LRRC4C: variants seen among roughly 807,000 people sequenced by gnomAD.
The protein encoded by LRRC4C is leucine-rich repeat-containing protein 4C.
A neutral mutation model predicts 33.6 loss-of-function variants in LRRC4C; 5 were observed. The observed-to-expected ratio is 0.15, with a 90% confidence interval of 0.08 to 0.31. The LOEUF is 0.31. Among genes scored for constraint, LRRC4C ranks in the 10% least tolerant of loss-of-function variants. LRRC4C has a pLI of 1.00. For missense variants in LRRC4C, 560 were observed against 796.7 expected (o/e 0.70, Z 3.58); for synonymous variants, 329 against 302.0 (o/e 1.09, Z -0.93).
chr11:40,927,295 A>C (rs957813960), intron 2 of LRRC4C, among the ~76,000 whole-genome samples: 1 of 151,944 alleles, frequency 6.6e-6, no homozygotes, highest in Non-Finnish European at 1.5e-5. Context: ...AATCACTTGA[A>C]CCCGAGAGGC....
intron 1 of LRRC4C, among the ~76,000 whole-genome samples, chr11:41,340,442 C>T (rs1951593159): frequency 6.6e-6 from 1 of 152,130 alleles, no homozygotes; most frequent in Non-Finnish European, 1.5e-5. Context: ...CAAATAAAGT[C>T]TTAATCGGAA....
At chr11:40,492,379 C>T (rs915053935) in intron 3 of LRRC4C, among the ~76,000 whole-genome samples, 4 of 152,098 alleles carry the variant, frequency 2.6e-5, no homozygotes, top group Non-Finnish European at 4.4e-5. Flanking sequence ...TTTCAGCTGC[C>T]ATAGTTAATG....
intron 2 of LRRC4C, among the ~76,000 whole-genome samples, chr11:40,782,591 T>G (rs1015197107): frequency 1.3e-5 from 2 of 152,164 alleles, no homozygotes; most frequent in African/African-American, 4.8e-5. Flanking sequence ...AATTAAGAAT[T>G]GGTACAAGCA....
intron 3 of LRRC4C, among the ~76,000 whole-genome samples, chr11:40,401,994 T>G (rs548190696): frequency 4.1e-4 from 63 of 152,208 alleles, no homozygotes; most frequent in African/African-American, 1.5e-3. Context: ...AAAAAATATG[T>G]AACAATGTTA....
intron 1 of LRRC4C, among the ~76,000 whole-genome samples, chr11:41,242,042 T>A (rs868322355): frequency 9.2e-5 from 14 of 152,200 alleles, no homozygotes; most frequent in Admixed American, 4.6e-4. Context: ...AACAAAATCT[T>A]TTCCCTCTTA....
intron 2 of LRRC4C, among the ~76,000 whole-genome samples, chr11:40,657,299 T>A (rs1243072478): frequency 6.6e-6 from 1 of 152,174 alleles, no homozygotes; most frequent in African/African-American, 2.4e-5. Context: ...TAATGATTGG[T>A]CTAAGCTGGA....
intron 1 of LRRC4C, among the ~76,000 whole-genome samples, chr11:41,392,566 A>C (rs55893995): frequency 0.014 from 2,069 of 151,644 alleles, 51 homozygotes; most frequent in African/African-American, 0.045. Context: ...AACAAACAAA[A>C]AAAAAAACAT....
At chr11:40,388,621 G>T (rs973048241) in intron 3 of LRRC4C, among the ~76,000 whole-genome samples, 1 of 152,168 alleles carries the variant, frequency 6.6e-6, no homozygotes, top group Non-Finnish European at 1.5e-5. Flanking sequence ...AGTAAGGAAT[G>T]AGTCAAGGAA....
In LRRC4C at chr11:40,291,500, A is replaced by G. The variant is rs754971848; in HGVS notation, c.-176+28128T>C. Among the ~76,000 whole-genome samples, 90 of 152,142 alleles carry G rather than the reference A, an allele frequency of 5.9e-4. 1 individual carries two copies. The highest frequency in any genetic ancestry group is 1.1e-3 in the Non-Finnish European group (74 of 68,026). ...CTATACACAGCCTCTCTGTAATCCA[A>G]AGAAGTCCTCAGTTAGAAGGGGGTG... On this transcript the variant is annotated intron_variant, in intron 4 of 6. Coordinates refer to ENST00000528697, the MANE Select transcript of LRRC4C (RefSeq NM_001258419.2).
At chr11:41,285,901 C>T (rs568018890) in intron 1 of LRRC4C, among the ~76,000 whole-genome samples, 39 of 152,184 alleles carry the variant, frequency 2.6e-4, no homozygotes, top group African/African-American at 9.4e-4. Context: ...ATGATCTCGG[C>T]TCATTGCAAC....
intron 1 of LRRC4C, among the ~76,000 whole-genome samples, chr11:41,411,950 G>C (rs1226743296): frequency 6.6e-6 from 1 of 152,176 alleles, no homozygotes; most frequent in Non-Finnish European, 1.5e-5. Flanking sequence ...CCAAGACACT[G>C]AACTGGAATT....
chr11:40,680,792 G>A (rs1183833212), intron 2 of LRRC4C, among the ~76,000 whole-genome samples: 1 of 152,146 alleles, frequency 6.6e-6, no homozygotes. Flanking sequence ...ATACACAGGT[G>A]TAAGCAATTT....
At chr11:40,602,768 C>T (rs1278619680) in intron 3 of LRRC4C, among the ~76,000 whole-genome samples, 2 of 152,148 alleles carry the variant, frequency 1.3e-5, no homozygotes, top group South Asian at 2.1e-4. Flanking sequence ...TAATCCGAAA[C>T]AGCAGGTACA....
At chr11:40,917,396 G>A (rs967598393) in intron 2 of LRRC4C, among the ~76,000 whole-genome samples, 3 of 152,118 alleles carry the variant, frequency 2.0e-5, no homozygotes, top group South Asian at 2.1e-4. Flanking sequence ...TTCAGCTTCT[G>A]CATATACCAA....
At chr11:40,620,173 T>G (rs532505700) in intron 3 of LRRC4C, among the ~76,000 whole-genome samples, 63 of 151,810 alleles carry the variant, frequency 4.1e-4, no homozygotes, top group African/African-American at 1.5e-3. Flanking sequence ...AATCTGCTTC[T>G]GCATTAGAAG....
chr11:41,375,977 G>A (rs921285968), intron 1 of LRRC4C, among the ~76,000 whole-genome samples: 1 of 151,484 alleles, frequency 6.6e-6, no homozygotes, highest in African/African-American at 2.4e-5. Context: ...GTGAAGACTT[G>A]GTATGAAAGA....
chr11:40,769,234 T>A (rs1282481832), intron 2 of LRRC4C, among the ~76,000 whole-genome samples: 1 of 152,098 alleles, frequency 6.6e-6, no homozygotes, highest in Non-Finnish European at 1.5e-5. Context: ...TTACAATAGC[T>A]ACAAATAAAA....
chr11:41,165,054 T>C (rs1000514251), intron 1 of LRRC4C, among the ~76,000 whole-genome samples: 1 of 152,196 alleles, frequency 6.6e-6, no homozygotes, highest in Non-Finnish European at 1.5e-5. Context: ...ATGTGCTTAG[T>C]GCAACGTGAC....
intron 3 of LRRC4C, among the ~76,000 whole-genome samples, chr11:40,633,579 G>T (rs1188268927): frequency 6.6e-6 from 1 of 151,702 alleles, no homozygotes; most frequent in Non-Finnish European, 1.5e-5. Context: ...AGTAGAGACA[G>T]GGTTTCACCA....
Sources: allele counts gnomAD v4.1 joint callset (sites outside exome capture counted in the v4.1 genomes callset), GRCh38; gene constraint gnomAD v4.1.1; transcripts MANE v1.5; gene names NCBI Gene and HGNC (gene_info 2026-07-23, HGNC 2026-07-21).